GNAL: variants seen among roughly 807,000 people sequenced by gnomAD.
GNAL encodes the protein guanine nucleotide-binding protein G(olf) subunit alpha.
A neutral mutation model predicts 55.1 loss-of-function variants in GNAL; 18 were observed. The ratio of observed to expected loss-of-function variants is 0.33; its 90% CI spans 0.23 to 0.48. The LOEUF is 0.48. Ranked by LOEUF, GNAL falls within the 20% of genes least tolerant of loss-of-function variation. The pLI, the probability that GNAL is intolerant of heterozygous loss-of-function variation, is 0.99. For missense variants in GNAL, 412 were observed against 614.1 expected, an observed-to-expected ratio of 0.67 and a Z score of 3.48; for synonymous variants, 253 against 237.0, an observed-to-expected ratio of 1.07 and a Z score of -0.62.
chr18:11,775,877 T>C (rs954976016), intron 4 of GNAL, among the ~76,000 whole-genome samples: 1 of 152,208 alleles, frequency 6.6e-6, no homozygotes, highest in Non-Finnish European at 1.5e-5. Flanking sequence ...GAAAAAAGTT[T>C]TATTGCTGAA....
chr18:11,880,452 G>A (rs753480852), intron 11 of GNAL, among the ~76,000 whole-genome samples: 46 of 151,744 alleles, frequency 3.0e-4, no homozygotes, highest in Non-Finnish European at 5.1e-4. Context: ...ATGGACGCCT[G>A]TAATCTCAGC....
At chr18:11,701,316 C>T (rs964603324) in intron 1 of GNAL, among the ~76,000 whole-genome samples, 10 of 152,088 alleles carry the variant, frequency 6.6e-5, no homozygotes, top group Non-Finnish European at 1.2e-4. Flanking sequence ...GCTGGCCAGG[C>T]GCGGTGGCTC....
At chr18:11,690,705 C>T (rs1178334658) in intron 1 of GNAL, among the ~76,000 whole-genome samples, 21 of 147,162 alleles carry the variant, frequency 1.4e-4, no homozygotes, top group African/African-American at 7.5e-5. Context: ...TGAGAATATG[C>T]GGTGTTTGGT....
At chr18:11,731,145 T>TTTGTTG (rs925953901) in intron 1 of GNAL, among the ~76,000 whole-genome samples, 1 of 152,106 alleles carries the variant, frequency 6.6e-6, no homozygotes, top group Non-Finnish European at 1.5e-5. Flanking sequence ...GAATTCAGTT[T>TTTGTTG]TTGTTGTTGT....
intron 4 of GNAL, among the ~76,000 whole-genome samples, chr18:11,795,767 T>A (rs1311933806): frequency 6.6e-6 from 1 of 152,210 alleles, no homozygotes. Flanking sequence ...CTCTGGTTCC[T>A]CCAGAGGTCC....
chr18:11,691,346 C>G (rs1334475097), intron 1 of GNAL, among the ~76,000 whole-genome samples: 24 of 150,716 alleles, frequency 1.6e-4, no homozygotes, highest in East Asian at 7.8e-4. Context: ...GTTCATTGTA[C>G]ATTCTGGATA....
intron 1 of GNAL, among the ~76,000 whole-genome samples, chr18:11,703,481 C>T (rs921625214): frequency 2.0e-5 from 3 of 152,122 alleles, no homozygotes; most frequent in African/African-American, 7.2e-5. Flanking sequence ...TAAAGTAGTG[C>T]CAATTAAGAA....
At chr18:11,746,671 CAGA>C (rs1234402856) in intron 1 of GNAL, 3 of 250,976 alleles carry the variant, frequency 1.2e-5, no homozygotes, top group Middle Eastern at 1.4e-3. Flanking sequence ...TGACGACAGA[CAGA>C]AGGATAGGCT....
intron 1 of GNAL, among the ~76,000 whole-genome samples, chr18:11,739,317 G>A (rs1183825401): frequency 6.6e-6 from 1 of 152,202 alleles, no homozygotes; most frequent in African/African-American, 2.4e-5. Context: ...CTGTAGATGT[G>A]CAGGTGGAGG....
At chr18:11,803,927 G>A (rs1216308205) in intron 4 of GNAL, among the ~76,000 whole-genome samples, 1 of 151,032 alleles carries the variant, frequency 6.6e-6, no homozygotes, top group East Asian at 2.0e-4. Flanking sequence ...ATGGAACACG[G>A]AGATACTATG....
intron 9 of GNAL, among the ~76,000 whole-genome samples, chr18:11,872,052 G>A (rs1376353648): frequency 3.3e-5 from 5 of 152,176 alleles, no homozygotes; most frequent in Admixed American, 2.6e-4. Context: ...AAGCATTTTG[G>A]ATTTTGTGTT....
chr18:11,797,132 A>G (rs1271446943), intron 4 of GNAL, among the ~76,000 whole-genome samples: 5 of 152,152 alleles, frequency 3.3e-5, no homozygotes, highest in Admixed American at 6.5e-5. Flanking sequence ...GGTTTTCGCC[A>G]TGTTGGCCAG....
intron 4 of GNAL, among the ~76,000 whole-genome samples, chr18:11,779,323 T>C (rs77957238): frequency 0.11 from 17,096 of 152,214 alleles, 1,302 homozygotes; most frequent in East Asian, 0.32. Context: ...CAGTGGCAAA[T>C]AGGCATTATC....
intron 1 of GNAL, among the ~76,000 whole-genome samples, chr18:11,702,819 TA>T (rs5823170): frequency 2.6e-4 from 38 of 144,002 alleles, no homozygotes; most frequent in African/African-American, 6.1e-4. Flanking sequence ...CCTTCCCACT[TA>T]AAAAAAAAAA....
At chr18:11,851,383 G>A in intron 5 of GNAL, 1 of 1,224,946 alleles carries the variant, frequency 8.2e-7, no homozygotes, top group Non-Finnish European at 1.1e-6. Flanking sequence ...CACCACCTGC[G>A]CCGCTCACAG....
intron 1 of GNAL, among the ~76,000 whole-genome samples, chr18:11,694,883 C>T (rs1863122): frequency 0.35 from 53,821 of 152,060 alleles, 13,164 homozygotes; most frequent in African/African-American, 0.7. Context: ...GCCACGTTCT[C>T]ACAGTATCCT....
intron 1 of GNAL, among the ~76,000 whole-genome samples, chr18:11,694,472 T>C (rs953747558): frequency 6.6e-6 from 1 of 152,224 alleles, no homozygotes; most frequent in African/African-American, 2.4e-5. Flanking sequence ...GCTCCCGTTT[T>C]AATTTTTAGA....
intron 4 of GNAL, chr18:11,810,296 A>T (rs1481405042): frequency 6.6e-6 from 1 of 152,372 alleles, no homozygotes; most frequent in Admixed American, 6.5e-5. Flanking sequence ...CAGGAGGCTG[A>T]GGTGGGAGGA....
rs924939523 is a variant in GNAL at position 11,730,041 on chromosome 18, C to CT, written c.377-22802dup. Among the ~76,000 whole-genome samples the CT allele has an allele frequency of 2.8e-3, 415 of 147,904 alleles. 1 individual carries two copies. Among genetic ancestry groups the CT allele is most frequent in the African/African-American group, 9.6e-3 (382 of 39,966 alleles). ...TTAAGTTTTTCTTTTCTTTTCTTTT[C>CT]TTTTTTTTTTGAGACAGAGTCTCGC... On this transcript the variant is annotated intron_variant, in intron 1 of 11. Coordinates refer to ENST00000334049, the MANE Select transcript of GNAL (RefSeq NM_182978.4).
Sources: allele counts gnomAD v4.1 joint callset (sites outside exome capture counted in the v4.1 genomes callset), GRCh38; gene constraint gnomAD v4.1.1; transcripts MANE v1.5; gene names NCBI Gene and HGNC (gene_info 2026-07-23, HGNC 2026-07-21).